The following SCARA5 variants were observed in gnomAD, a reference collection of about 807,000 sequenced individuals.
The protein encoded by SCARA5 is scavenger receptor class A member 5.
A neutral mutation model predicts 46.3 loss-of-function variants in SCARA5; 45 were observed. That is an observed-to-expected ratio of 0.97 (90% CI 0.76 to 1.24). The LOEUF is 1.24. SCARA5 is among the 50% of genes most tolerant of loss of function. SCARA5 has a pLI of 0.00. For missense variants in SCARA5, 680 were observed against 689.0 expected, an observed-to-expected ratio of 0.99 and a Z score of 0.15; for synonymous variants, 333 against 306.5, an observed-to-expected ratio of 1.09 and a Z score of -0.90.
intron 3 of SCARA5, among the ~76,000 whole-genome samples, chr8:27,943,930 GACCAAATTTACCTTA>G (rs1273989419): frequency 2.6e-5 from 4 of 152,146 alleles, no homozygotes; most frequent in African/African-American, 9.7e-5. Flanking sequence ...AGATTATTCT[GACCAAATTTACCTTA>G]ACCAAATTTA....
intron 3 of SCARA5, among the ~76,000 whole-genome samples, chr8:27,948,708 G>T (rs1808075902): frequency 6.6e-6 from 1 of 152,210 alleles, no homozygotes; most frequent in Non-Finnish European, 1.5e-5. Flanking sequence ...CTAGCTGTGG[G>T]ACTCGCTCCA....
At chr8:27,880,857 G>GAAAA (rs71222524) in intron 7 of SCARA5, among the ~76,000 whole-genome samples, 35,860 of 94,354 alleles carry the variant, frequency 0.38, 8,077 homozygotes, top group East Asian at 0.57. Context: ...CCTGTCTAAG[G>GAAAA]AAAAAAAAAA....
At chr8:27,987,110 G>A (rs754663030) in intron 2 of SCARA5, among the ~76,000 whole-genome samples, 1 of 152,238 alleles carries the variant, frequency 6.6e-6, no homozygotes, top group Non-Finnish European at 1.5e-5. Context: ...CCTCACGAGT[G>A]CTTCAGGAAG....
At chr8:27,983,796 C>T (rs1442612364) in intron 2 of SCARA5, among the ~76,000 whole-genome samples, 3 of 152,188 alleles carry the variant, frequency 2.0e-5, no homozygotes, top group African/African-American at 7.2e-5. Context: ...ACCCGGGACT[C>T]AGCAGGTCCC....
chr8:27,955,907 A>C (rs1808199966), intron 3 of SCARA5, among the ~76,000 whole-genome samples: 1 of 152,190 alleles, frequency 6.6e-6, no homozygotes, highest in Non-Finnish European at 1.5e-5. Flanking sequence ...GGCAGGTGAG[A>C]TACAGCTGGC....
At chr8:27,927,359 T>C (rs1392715648) in intron 3 of SCARA5, among the ~76,000 whole-genome samples, 1 of 152,220 alleles carries the variant, frequency 6.6e-6, no homozygotes, top group African/African-American at 2.4e-5. Context: ...TTGCTGTTCA[T>C]TGCACAACAA....
chr8:27,927,704 T>C (rs1252267892), intron 3 of SCARA5, among the ~76,000 whole-genome samples: 13 of 152,190 alleles, frequency 8.5e-5, no homozygotes, highest in Admixed American at 8.5e-4. Context: ...TTTTTCCTAA[T>C]AATAAATTTC....
At chr8:27,879,316 G>C (rs1187946500) in intron 8 of SCARA5, among the ~76,000 whole-genome samples, 3 of 152,130 alleles carry the variant, frequency 2.0e-5, no homozygotes, top group Non-Finnish European at 4.4e-5. Context: ...GACTGGGAAG[G>C]GCTGGTATGG....
At position 27,992,412 on chromosome 8, in the gene SCARA5, G is replaced by A. The variant is rs1343256378; in HGVS notation, c.-171C>T. 1 of 152,326 alleles carries A rather than the reference G, an allele frequency of 6.6e-6. No individual in the cohort carries two copies. The highest frequency in any genetic ancestry group is 2.4e-5 in the African/African-American group (1 of 41,452). The allele number at this position is 152,326 out of a possible 1,614,324, so 9.4% of individuals were successfully genotyped here. A position where few individuals can be genotyped will look rare whatever the true frequency, so the allele number is the denominator to read the frequency against. On this transcript the variant is annotated 5_prime_UTR_variant, in exon 1 of 9. Coordinates refer to ENST00000354914, the MANE Select transcript of SCARA5 (RefSeq NM_173833.6). ...CAAATCCAGATGGAGTCATAGAAAG[G>A]GGCTGCAGGGGCGCCCAGGGACGAG...
At chr8:27,980,583 G>A (rs13263873) in intron 2 of SCARA5, among the ~76,000 whole-genome samples, 67,919 of 151,942 alleles carry the variant, frequency 0.45, 15,564 homozygotes, top group Middle Eastern at 0.53. Context: ...ATGGAAAGGC[G>A]CCCCTGGTGC....
At chr8:27,973,481 A>T (rs181303111) in intron 2 of SCARA5, among the ~76,000 whole-genome samples, 153 of 152,152 alleles carry the variant, frequency 1.0e-3, no homozygotes, top group African/African-American at 2.4e-3. Flanking sequence ...TGTCTCAAAT[A>T]AATAAATTAA....
At chr8:27,872,518 C>G (rs1315003437) in intron 8 of SCARA5, among the ~76,000 whole-genome samples, 1 of 152,154 alleles carries the variant, frequency 6.6e-6, no homozygotes, top group African/African-American at 2.4e-5. Flanking sequence ...CATTTTCAGC[C>G]CCTGTTGTCA....
At chr8:27,906,336 A>G (rs781662796) in intron 6 of SCARA5, among the ~76,000 whole-genome samples, 80 of 152,266 alleles carry the variant, frequency 5.3e-4, no homozygotes, top group Non-Finnish European at 1.0e-3. Context: ...GACTGACTGT[A>G]AAAGTAGGTT....
chr8:27,891,275 G>T (rs994776077), intron 7 of SCARA5, among the ~76,000 whole-genome samples: 7 of 151,142 alleles, frequency 4.6e-5, no homozygotes, highest in Non-Finnish European at 8.8e-5. Context: ...GCACAATCTC[G>T]GCTCACTGCA....
At chr8:27,968,759 A>G (rs1808405830) in intron 2 of SCARA5, among the ~76,000 whole-genome samples, 2 of 152,186 alleles carry the variant, frequency 1.3e-5, no homozygotes. Context: ...GTTAACTTCA[A>G]GTTTGCCTTT....
At chr8:27,932,614 T>A (rs962341301) in intron 3 of SCARA5, among the ~76,000 whole-genome samples, 4 of 152,108 alleles carry the variant, frequency 2.6e-5, no homozygotes, top group African/African-American at 9.7e-5. Flanking sequence ...CCTCTTGGTG[T>A]CCCTTCTGAT....
intron 3 of SCARA5, among the ~76,000 whole-genome samples, chr8:27,962,887 T>C (rs1484710080): frequency 6.6e-6 from 1 of 152,202 alleles, no homozygotes; most frequent in Non-Finnish European, 1.5e-5. Context: ...CGAACACTCA[T>C]GAACAAATTC....
At chr8:27,899,916 T>A (rs1173255328) in intron 7 of SCARA5, among the ~76,000 whole-genome samples, 2 of 152,134 alleles carry the variant, frequency 1.3e-5, no homozygotes, top group African/African-American at 2.4e-5. Context: ...GGCAGGCAGA[T>A]CACCTGAGGT....
At position 27,942,666 on chromosome 8, in the gene SCARA5, C is replaced by G. The variant is rs1233226594; in HGVS notation, c.242-20421G>C. On this transcript the variant is annotated intron_variant, in intron 3 of 8. Transcript: ENST00000354914. Reference sequence around the variant, plus strand: ...TCCCCACTTTAACTCTCGGGCTGCACGGTACTGCAGAAGTGTTACGCTGAC... The same window carrying G: ...TCCCCACTTTAACTCTCGGGCTGCAGGGTACTGCAGAAGTGTTACGCTGAC... Among the ~76,000 whole-genome samples, 3 of 152,264 alleles carry G rather than the reference C, an allele frequency of 2.0e-5. 1 individual carries two copies. In the East Asian group the frequency reaches 5.8e-4, roughly 29 times the overall value.
Sources: allele counts gnomAD v4.1 joint callset (sites outside exome capture counted in the v4.1 genomes callset), GRCh38; gene constraint gnomAD v4.1.1; transcripts MANE v1.5; gene names NCBI Gene and HGNC (gene_info 2026-07-23, HGNC 2026-07-21).